The following PFN2 variants were observed in gnomAD, a reference collection of about 807,000 sequenced individuals.
PFN2 encodes the protein profilin 2.
In PFN2, 8 loss-of-function variants were observed where a neutral mutation model predicts 15.3. That is an observed-to-expected ratio of 0.52 (90% CI 0.31 to 0.95). PFN2 has a LOEUF of 0.95. PFN2 is among the 40% of genes least tolerant of loss of function. The pLI is 0.05. For synonymous variants in PFN2, 79 were observed against 67.9 expected (o/e 1.16, Z -0.81); for missense variants, 111 against 182.3 (o/e 0.61, Z 2.25).
chr3:149,969,395 C>T (rs1386530083), intron 1 of PFN2, among the ~76,000 whole-genome samples: 1 of 152,128 alleles, frequency 6.6e-6, no homozygotes, highest in Non-Finnish European at 1.5e-5. Context: ...TCATAGCAGG[C>T]CCCAGCCATT....
In PFN2 at chr3:149,965,724, AAG is replaced by A. The variant is rs1722667288; in HGVS notation, c.*763_*764del. The A allele has an allele frequency of 1.9e-6, 2 of 1,030,634 alleles. No individual in the cohort carries two copies. Among genetic ancestry groups the A allele is most frequent in the African/African-American group, 1.7e-5 (1 of 58,602 alleles). 63.8% of individuals were successfully genotyped at this position (1,030,634 alleles called of 1,614,324 possible). A position where few individuals can be genotyped will look rare whatever the true frequency, so the allele number is the denominator to read the frequency against. Reference sequence around the variant, plus strand: ...GTGCGAAGGGAGGGGGGGCGGGAAAAAGAGAAGAGTGAAGGAATGATGCATGC... The same window carrying A: ...GTGCGAAGGGAGGGGGGGCGGGAAAAAGAAGAGTGAAGGAATGATGCATGC... On this transcript the variant is annotated 3_prime_UTR_variant, in exon 3 of 3. Coordinates refer to ENST00000239940, the MANE Select transcript of PFN2 (RefSeq NM_053024.4).
chr3:149,966,483 T>TA lies in PFN2; in HGVS notation c.*5dup. The TA allele has an allele frequency of 6.2e-7, 1 of 1,612,566 alleles. No homozygotes were observed. Among genetic ancestry groups the TA allele is most frequent in the Non-Finnish European group, 8.5e-7 (1 of 1,178,974 alleles). On this transcript the variant is annotated 3_prime_UTR_variant, in exon 3 of 3. Coordinates refer to ENST00000239940, the MANE Select transcript of PFN2 (RefSeq NM_053024.4). ...TTCCCCTAATACTTAACAGTCTGCC[T>TA]AGCAGCTAGAACCCAGAGTCTCTCA...
chr3:149,966,380 AC>A lies in PFN2; in HGVS notation c.*108del. On this transcript the variant is annotated 3_prime_UTR_variant, in exon 3 of 3. Transcript: ENST00000239940. Reference sequence around the variant, plus strand: ...GGATACAAAGGAGACACAGGTTCATACCCCATCACCCTGCATTGCTAATAAA... The same window carrying A: ...GGATACAAAGGAGACACAGGTTCATACCCATCACCCTGCATTGCTAATAAA... 6.3e-7 allele frequency: 1 copy of A among 1,585,652 alleles called. No individual in the cohort carries two copies. Among genetic ancestry groups the A allele is most frequent in the Non-Finnish European group, 8.6e-7 (1 of 1,168,410 alleles).
Position 149,965,651 on chromosome 3 carries a change from A to G in PFN2, c.*838T>C. 1 of 1,082,940 alleles carries G rather than the reference A, an allele frequency of 9.2e-7. No individual in the cohort carries two copies. Among genetic ancestry groups the G allele is most frequent in the Non-Finnish European group, 1.1e-6 (1 of 892,612 alleles). 67.1% of individuals were successfully genotyped at this position (1,082,940 alleles called of 1,614,324 possible). A position where few individuals can be genotyped will look rare whatever the true frequency, so the allele number is the denominator to read the frequency against. On this transcript the variant is annotated 3_prime_UTR_variant, in exon 3 of 3. Coordinates refer to ENST00000239940, the MANE Select transcript of PFN2 (RefSeq NM_053024.4). Reference sequence around the variant, plus strand: ...CAAAAGGGATTTTAATTGGTTAAAAAAAAACAGGCACTGCATAAAAAAAGA... The same window carrying G: ...CAAAAGGGATTTTAATTGGTTAAAAGAAAACAGGCACTGCATAAAAAAAGA...
rs1382211032 is a variant in PFN2 at position 149,970,860 on chromosome 3, C to G, written c.-4G>C. On this transcript the variant is annotated 5_prime_UTR_variant, in exon 1 of 3. Transcript: ENST00000239940. The stretch of plus-strand genomic sequence containing the variant: ...CGTAGCTCTGCCAACCGGCCATCTT[C>G]GAGCCCTTCGCACTGCAGCGCGGAC... The G allele has an allele frequency of 2.7e-6, 4 of 1,463,644 alleles. No homozygotes were observed. Among genetic ancestry groups the G allele is most frequent in the Non-Finnish European group, 3.6e-6 (4 of 1,098,758 alleles). 90.7% of individuals were successfully genotyped at this position (1,463,644 alleles called of 1,614,324 possible).
Position 149,965,888 on chromosome 3 carries a change from T to C in PFN2, c.*601A>G. ...TATTAACTTATTTTAGTAATCAATA[T>C]CCCATTAATTGCTAAGACAAAGTGA... On this transcript the variant is annotated 3_prime_UTR_variant, in exon 3 of 3. Transcript: ENST00000239940. 1 of 1,248,624 alleles carries C rather than the reference T, an allele frequency of 8.0e-7. No individual in the cohort carries two copies. The highest frequency in any genetic ancestry group is 1.5e-5 in the African/African-American group (1 of 65,174). 77.3% of individuals were successfully genotyped at this position (1,248,624 alleles called of 1,614,324 possible).
rs141146241 is a variant in PFN2, at chr3:149,968,374, G to A, written c.309C>T (p.Val103=). 491 of 1,613,906 alleles carry A rather than the reference G, an allele frequency of 3.0e-4. No individual in the cohort carries two copies. Among genetic ancestry groups the A allele is most frequent in the Middle Eastern group, 5.0e-4 (3 of 6,054 alleles). ...CTTACTCACCTCTACCAGCTCTGCCGACAGCCACATTGTATGTTGGCTCCC... is the reference window on the plus strand; with the variant it reads ...CTTACTCACCTCTACCAGCTCTGCCAACAGCCACATTGTATGTTGGCTCCC... ...QGGEPTYNVA[V]GRAGRVLVFV... Residue 103 remains valine, a synonymous_variant, in exon 2 of 3, where the codon GTC becomes GTT. Coordinates refer to ENST00000239940, the MANE Select transcript of PFN2 (RefSeq NM_053024.4).
chr3:149,967,175 G>A (rs894154421), intron 2 of PFN2, among the ~76,000 whole-genome samples: 42 of 152,008 alleles, frequency 2.8e-4, no homozygotes, highest in Admixed American at 1.0e-3. Flanking sequence ...TTTTAATTGC[G>A]TCTAAAAAAA....
chr3:149,965,779 A>G lies in PFN2; in HGVS notation c.*710T>C, dbSNP rs1407796639. ...TTTTTCCTCCCAACCATGCGCTACA[A>G]AAGGAAGACTAAATGAGCCAAGTAA... On this transcript the variant is annotated 3_prime_UTR_variant, in exon 3 of 3. Coordinates refer to ENST00000239940, the MANE Select transcript of PFN2 (RefSeq NM_053024.4). The G allele has an allele frequency of 8.5e-6, 9 of 1,058,198 alleles. No homozygotes were observed. Among genetic ancestry groups the G allele is most frequent in the African/African-American group, 3.4e-5 (2 of 59,510 alleles). 65.6% of individuals were successfully genotyped at this position (1,058,198 alleles called of 1,614,324 possible). A position where few individuals can be genotyped will look rare whatever the true frequency, so the allele number is the denominator to read the frequency against.
intron 2 of PFN2, among the ~76,000 whole-genome samples, chr3:149,966,863 C>A (rs1232558969): frequency 6.6e-6 from 1 of 151,396 alleles, no homozygotes; most frequent in Non-Finnish European, 1.5e-5. Flanking sequence ...AAAAAAGTGA[C>A]CATTTGTCTT....
In PFN2 at chr3:149,965,540, T is replaced by C. The variant is rs1722660200; in HGVS notation, c.*949A>G. 3.8e-6 allele frequency: 5 copies of C among 1,322,358 alleles called. No individual in the cohort carries two copies. In the East Asian group the frequency reaches 8.4e-5, roughly 22 times the overall value. 81.9% of individuals were successfully genotyped at this position (1,322,358 alleles called of 1,614,324 possible). A position where few individuals can be genotyped will look rare whatever the true frequency, so the allele number is the denominator to read the frequency against. On this transcript the variant is annotated 3_prime_UTR_variant, in exon 3 of 3. Coordinates refer to ENST00000239940, the MANE Select transcript of PFN2 (RefSeq NM_053024.4). ...GCCATTGCACTCTTCATATGTCCTG[T>C]AGACACTATGAATAAAGGTTTGTCT...
rs539069007 is a variant in PFN2, at chr3:149,968,553, G to GC, written c.133-4dup. On this transcript the variant is annotated splice_polypyrimidine_tract_variant and splice_region_variant and intron_variant, in intron 1 of 2. Coordinates refer to ENST00000239940, the MANE Select transcript of PFN2 (RefSeq NM_053024.4). ...ACAATCATATCTATTTCTATTGGCT[G>GC]CCCCCCACCAAAAAGAAAAAAAAAA... 4,820 of 1,521,476 alleles carry GC rather than the reference G, an allele frequency of 3.2e-3. 9 individuals are homozygous for GC. Among genetic ancestry groups the GC allele is most frequent in the Non-Finnish European group, 3.6e-3 (4,084 of 1,145,666 alleles). The allele number at this position is 1,521,476 out of a possible 1,614,324, so 94.2% of individuals were successfully genotyped here.
In PFN2 at chr3:149,965,569, C is replaced by T; in HGVS notation, c.*920G>A. On this transcript the variant is annotated 3_prime_UTR_variant, in exon 3 of 3. Transcript: ENST00000239940. ...CACTATGAATAAAGGTTTGTCTCTG[C>T]TCAAGTGCAACAACAATACTAAAAG... 1 of 1,246,520 alleles carries T rather than the reference C, an allele frequency of 8.0e-7. No individual in the cohort carries two copies. Among genetic ancestry groups the T allele is most frequent in the Non-Finnish European group, 1.0e-6 (1 of 995,380 alleles). The allele number at this position is 1,246,520 out of a possible 1,614,324, so 77.2% of individuals were successfully genotyped here. A position where few individuals can be genotyped will look rare whatever the true frequency, so the allele number is the denominator to read the frequency against.
Position 149,966,089 on chromosome 3 carries a change from A to G in PFN2, c.*400T>C. The G allele has an allele frequency of 6.5e-7, 1 of 1,548,532 alleles. No homozygotes were observed. Among genetic ancestry groups the G allele is most frequent in the South Asian group, 1.3e-5 (1 of 79,524 alleles). ...AATAGGTAAAGAAAAATTAGCTACC[A>G]TCTACAGTTTGGTAGCATTGTGACC... On this transcript the variant is annotated 3_prime_UTR_variant, in exon 3 of 3. Coordinates refer to ENST00000239940, the MANE Select transcript of PFN2 (RefSeq NM_053024.4).
chr3:149,966,298 C>T lies in PFN2; in HGVS notation c.*191G>A, dbSNP rs1559985662. 2.5e-6 allele frequency: 4 copies of T among 1,608,844 alleles called. No individual in the cohort carries two copies. The highest frequency in any genetic ancestry group is 3.4e-6 in the Non-Finnish European group (4 of 1,178,016). ...CACAAGGAAACAAAACAAAAGTGAA[C>T]AGAATTATTTTGGGGGGGGAGGGCA... On this transcript the variant is annotated 3_prime_UTR_variant, in exon 3 of 3. Transcript: ENST00000239940.
chr3:149,968,007 C>T (rs1722739844), intron 2 of PFN2: 1 of 186,078 alleles, frequency 5.4e-6, no homozygotes, highest in Non-Finnish European at 1.1e-5. Flanking sequence ...GTCAAACACA[C>T]ACCAAAAGGG....
chr3:149,970,351 A>C, intron 1 of PFN2: 1 of 157,512 alleles, frequency 6.3e-6, no homozygotes, highest in Non-Finnish European at 1.4e-5. Flanking sequence ...GTGCATAGCA[A>C]ACCTCAGGGC....
chr3:149,966,369 C>A lies in PFN2; in HGVS notation c.*120G>T. The A allele has an allele frequency of 1.3e-6, 2 of 1,588,170 alleles. No homozygotes were observed. The highest frequency in any genetic ancestry group is 1.2e-5 in the South Asian group (1 of 85,746). On this transcript the variant is annotated 3_prime_UTR_variant, in exon 3 of 3. Coordinates refer to ENST00000239940, the MANE Select transcript of PFN2 (RefSeq NM_053024.4). Reference sequence around the variant, plus strand: ...CACCAACAGAGGGATACAAAGGAGACACAGGTTCATACCCCATCACCCTGC... The same window carrying A: ...CACCAACAGAGGGATACAAAGGAGAAACAGGTTCATACCCCATCACCCTGC...
intron 2 of PFN2, among the ~76,000 whole-genome samples, chr3:149,967,735 GACA>G (rs1227454935): frequency 6.6e-6 from 1 of 152,190 alleles, no homozygotes; most frequent in Non-Finnish European, 1.5e-5. Flanking sequence ...CTATAATGCT[GACA>G]ACAGTCTGGA....
Sources: allele counts gnomAD v4.1 joint callset (sites outside exome capture counted in the v4.1 genomes callset), GRCh38; gene constraint gnomAD v4.1.1; transcripts MANE v1.5; gene names NCBI Gene and HGNC (gene_info 2026-07-23, HGNC 2026-07-21).